The following PIK3C2A variants were observed in gnomAD, a reference collection of about 807,000 sequenced individuals.
PIK3C2A encodes the protein phosphatidylinositol 4-phosphate 3-kinase C2 domain-containing subunit alpha.
A neutral mutation model predicts 204.5 loss-of-function variants in PIK3C2A; 97 were observed. That is an observed-to-expected ratio of 0.47 (90% CI 0.40 to 0.56). The LOEUF is 0.56. PIK3C2A is among the 20% of genes least tolerant of loss of function. The probability of loss-of-function intolerance (pLI) is 0.00; values close to 1 mark genes in which losing one functional copy is unlikely to be tolerated. For synonymous variants in PIK3C2A, 653 were observed against 664.4 expected (o/e 0.98, Z 0.26); for missense variants, 1,735 against 1,969.2 (o/e 0.88, Z 2.25).
At chr11:17,105,132 G>C (rs1476543909) in intron 23 of PIK3C2A, 37 bp downstream of exon 23, 59 of 1,557,262 alleles carry the variant, frequency 3.8e-5, no homozygotes, top group Non-Finnish European at 4.9e-5. Context: ...ACACATTTTT[G>C]ACAAAGCTTT....
chr11:17,185,728 A>C (rs1338568285), intron 1 of PIK3C2A, among the ~76,000 whole-genome samples: 1 of 152,194 alleles, frequency 6.6e-6, no homozygotes, highest in African/African-American at 2.4e-5. Context: ...CTATCTTCAA[A>C]ATATTTCTGA....
chr11:17,195,083 C>T (rs1322547214), intron 1 of PIK3C2A, among the ~76,000 whole-genome samples: 1 of 151,902 alleles, frequency 6.6e-6, no homozygotes, highest in East Asian at 1.9e-4. Flanking sequence ...TTAATTTTAC[C>T]CTGTGGATTT....
rs752285183 is a variant in PIK3C2A, at chr11:17,119,987, T to C, written c.2658-13A>G. ...TTCTTTAGAAAGTCTGCATATATAA[T>C]AGAATTAAATTACTTCTCAGTGATA... On this transcript the variant is annotated splice_polypyrimidine_tract_variant and intron_variant, in intron 15 of 32. Transcript: ENST00000691414. 3 of 1,209,012 alleles carry C rather than the reference T, an allele frequency of 2.5e-6. No individual in the cohort carries two copies. The highest frequency in any genetic ancestry group is 2.4e-6 in the Non-Finnish European group (2 of 850,198). 74.9% of individuals were successfully genotyped at this position (1,209,012 alleles called of 1,614,324 possible). A position where few individuals can be genotyped will look rare whatever the true frequency, so the allele number is the denominator to read the frequency against.
At chr11:17,161,897 T>C (rs1220022928) in intron 2 of PIK3C2A, among the ~76,000 whole-genome samples, 2 of 152,246 alleles carry the variant, frequency 1.3e-5, no homozygotes, top group African/African-American at 4.8e-5. Context: ...CAATGAATTG[T>C]GCCATGGATT....
At position 17,132,839 on chromosome 11, in the gene PIK3C2A, C is replaced by T. The variant is rs573575186; in HGVS notation, c.2109-801G>A. 3.3e-5 allele frequency among the ~76,000 whole-genome samples: 5 copies of T among 152,256 alleles called. No homozygotes were observed. The South Asian group carries it at 1.0e-3, about 32-fold the overall frequency. Reference sequence around the variant, plus strand: ...TCTTCCTAGTCTATTGGGAGTCTTCCATTTATGGGGACAGATGCTATTGAA... The same window carrying T: ...TCTTCCTAGTCTATTGGGAGTCTTCTATTTATGGGGACAGATGCTATTGAA... On this transcript the variant is annotated intron_variant, in intron 11 of 32. Coordinates refer to ENST00000691414, the MANE Select transcript of PIK3C2A (RefSeq NM_002645.4).
intron 22 of PIK3C2A, among the ~76,000 whole-genome samples, chr11:17,108,152 A>G (rs1156319714): frequency 6.6e-6 from 1 of 152,238 alleles, no homozygotes; most frequent in African/African-American, 2.4e-5. Context: ...GATTACAGGC[A>G]TGAGCCACTG....
chr11:17,100,837 C>G (rs1320894329), intron 25 of PIK3C2A, among the ~76,000 whole-genome samples: 1 of 152,002 alleles, frequency 6.6e-6, no homozygotes, highest in South Asian at 2.1e-4. Context: ...TGTTTATTAC[C>G]ATATCAATTT....
At chr11:17,116,594 C>CT (rs768364818) in intron 19 of PIK3C2A, among the ~76,000 whole-genome samples, 2,349 of 144,616 alleles carry the variant, frequency 0.016, 45 homozygotes, top group South Asian at 0.064. Flanking sequence ...TAGCAGTATT[C>CT]TTTTTTTTTT....
At chr11:17,129,758 A>C (rs1367119768) in intron 12 of PIK3C2A, among the ~76,000 whole-genome samples, 2 of 151,940 alleles carry the variant, frequency 1.3e-5, no homozygotes, top group African/African-American at 4.8e-5. Context: ...CGCCCAGCTA[A>C]TTTTCGTATT....
rs1848775546 is a variant in PIK3C2A, at chr11:17,105,346, C to A, written c.3545-41G>T. ...ATTAAGCTATGTAAAACTGTCTCTC[C>A]AAAGTAAGCCTTTAAACATTTTTAA... On this transcript the variant is annotated intron_variant, in intron 22 of 32. Transcript: ENST00000691414. 2.7e-6 allele frequency: 4 copies of A among 1,508,892 alleles called. No homozygotes were observed. The African/African-American group carries it at 4.3e-5, about 16-fold the overall frequency. The allele number at this position is 1,508,892 out of a possible 1,614,324, so 93.5% of individuals were successfully genotyped here. A position where few individuals can be genotyped will look rare whatever the true frequency, so the allele number is the denominator to read the frequency against.
chr11:17,201,891 T>C (rs555990968), intron 1 of PIK3C2A, among the ~76,000 whole-genome samples: 12 of 152,304 alleles, frequency 7.9e-5, no homozygotes, highest in African/African-American at 2.9e-4. Flanking sequence ...AACTATTTCT[T>C]TATACACTCC....
chr11:17,145,685 G>T lies in PIK3C2A; in HGVS notation c.1687C>A (p.Leu563Met). ...LLDSYHNQVE[L>M]ALQIENQHRA... is the part of the protein sequence containing the mutation. The stretch of plus-strand genomic sequence containing the variant: ...AGACTTACTTCAATTTGAAGAGCCA[G>T]TTCTACTTGGTTGTGATAAGAATCT... The change falls in exon 8 of 33, where the codon CTG becomes ATG. Residue 563 changes from leucine to methionine, a missense_variant. Coordinates refer to ENST00000691414, the MANE Select transcript of PIK3C2A (RefSeq NM_002645.4). The T allele has an allele frequency of 6.2e-7, 1 of 1,604,582 alleles. No individual in the cohort carries two copies. The highest frequency in any genetic ancestry group is 1.3e-5 in the African/African-American group (1 of 74,814).
intron 16 of PIK3C2A, 54 bp from the exon 17 acceptor site, chr11:17,119,367 T>G: frequency 9.5e-7 from 1 of 1,049,324 alleles, no homozygotes; most frequent in Non-Finnish European, 1.5e-6. Flanking sequence ...CCAGTGAAGC[T>G]GTATTTTTTG....
chr11:17,119,865 T>G lies in PIK3C2A; in HGVS notation c.2767A>C (p.Asn923His). The change falls in exon 16 of 33, where the codon AAT (asparagine) becomes CAT (histidine). Residue 923 changes from asparagine (N) to histidine (H), a missense_variant. Around this residue, in one of 6 missense-constraint regions of PIK3C2A, gnomAD observed 567 missense variants for 576.0 expected, o/e 0.98. Transcript: ENST00000691414. Reference protein sequence around the residue: ...LASAPNWKWVNLAKTYSLLHQ... With the variant: ...LASAPNWKWVHLAKTYSLLHQ... ...AGCAATGAGTAAGTTTTGGCAAGAT[T>G]AACCCATTTCCAGTTTGGGGCGCTT... is the stretch of plus-strand genomic sequence containing the variant. 2 of 1,611,712 alleles carry G rather than the reference T, an allele frequency of 1.2e-6. No individual in the cohort carries two copies. The highest frequency in any genetic ancestry group is 1.7e-6 in the Non-Finnish European group (2 of 1,178,818).
At chr11:17,156,002 T>C (rs1850578456) in intron 2 of PIK3C2A, among the ~76,000 whole-genome samples, 1 of 152,196 alleles carries the variant, frequency 6.6e-6, no homozygotes, top group South Asian at 2.1e-4. Flanking sequence ...TTGGGACTCT[T>C]CTAATCAGCC....
chr11:17,178,770 C>T (rs1361427949), intron 1 of PIK3C2A, among the ~76,000 whole-genome samples: 1 of 141,076 alleles, frequency 7.1e-6, no homozygotes, highest in Non-Finnish European at 1.5e-5. Context: ...TCGCCCAGGC[C>T]GGACTGCGGA....
chr11:17,093,678 C>T (rs1848375735), intron 28 of PIK3C2A, among the ~76,000 whole-genome samples: 3 of 151,272 alleles, frequency 2.0e-5, no homozygotes, highest in African/African-American at 7.3e-5. Context: ...CATTCTGTCA[C>T]CCAGGCTGTA....
rs560620034 is a variant in PIK3C2A, at chr11:17,091,249, A to G, written c.4878+85T>C. 3.4e-4 allele frequency: 417 copies of G among 1,238,410 alleles called. 2 individuals carry two copies. The highest frequency in any genetic ancestry group is 2.2e-3 in the South Asian group (153 of 71,040). The allele number at this position is 1,238,410 out of a possible 1,614,324, so 76.7% of individuals were successfully genotyped here. A position where few individuals can be genotyped will look rare whatever the true frequency, so the allele number is the denominator to read the frequency against. On this transcript the variant is annotated intron_variant, in intron 32 of 32. Transcript: ENST00000691414. ...GTTTAGCTATGTAACAAACTTGCAC[A>G]TCCTGCTTACGCACGTCAGAACTTA...
At chr11:17,153,421 G>A (rs970341066) in intron 3 of PIK3C2A, among the ~76,000 whole-genome samples, 1 of 149,168 alleles carries the variant, frequency 6.7e-6, no homozygotes, top group Admixed American at 6.7e-5. Flanking sequence ...GGCAACAAGA[G>A]TGAAAACTCC....
Sources: allele counts gnomAD v4.1 joint callset (sites outside exome capture counted in the v4.1 genomes callset), GRCh38; gene constraint gnomAD v4.1.1; regional missense constraint gnomAD v4.1.1; transcripts MANE v1.5; gene names NCBI Gene and HGNC (gene_info 2026-07-23, HGNC 2026-07-21).